Variants in VWA3B observed in about 807,000 individuals in gnomAD.
VWA3B encodes the protein von Willebrand factor A domain containing 3B.
A neutral mutation model predicts 158.3 loss-of-function variants in VWA3B; 138 were observed. That is an observed-to-expected ratio of 0.87 (90% CI 0.76 to 1.00). The LOEUF (loss-of-function observed/expected upper bound fraction) is 1.00. Ranked by LOEUF, VWA3B falls within the 50% of genes least tolerant of loss-of-function variation. VWA3B has a pLI of 0.00. For missense variants in VWA3B, 1,555 were observed against 1,565.1 expected (o/e 0.99, Z 0.11); for synonymous variants, 596 against 587.3 (o/e 1.01, Z -0.21).
intron 7 of VWA3B, 77 bp from the exon 8 acceptor site, chr2:98,162,774 C>A: frequency 6.4e-7 from 1 of 1,563,750 alleles, no homozygotes; most frequent in Middle Eastern, 2.3e-4. Flanking sequence ...GGCTGCAATG[C>A]GTCAGGCCTG....
rs979388633 is a variant in VWA3B, at chr2:98,236,867, A to G, written c.2673+137A>G. On this transcript the variant is annotated intron_variant, in intron 19 of 27. Transcript: ENST00000477737. ...GGGAAAAAGTATTTGTAAAGGCAGT[A>G]AAAGGGAGAGAGAGAGGCTTTTAAG... 2.1e-5 allele frequency: 26 copies of G among 1,262,198 alleles called. 1 individual carries two copies. The Middle Eastern group carries it at 6.0e-4, about 29-fold the overall frequency. The allele number at this position is 1,262,198 out of a possible 1,614,324, so 78.2% of individuals were successfully genotyped here. A position where few individuals can be genotyped will look rare whatever the true frequency, so the allele number is the denominator to read the frequency against.
intron 12 of VWA3B, among the ~76,000 whole-genome samples, chr2:98,208,030 T>A (rs929993809): frequency 6.6e-6 from 1 of 152,142 alleles, no homozygotes; most frequent in African/African-American, 2.4e-5. Flanking sequence ...TTGCTTCATG[T>A]GTTTTGAAGC....
chr2:98,303,615 T>C, intron 25 of VWA3B, 87 bp from the exon 26 acceptor site: 1 of 1,247,404 alleles, frequency 8.0e-7, no homozygotes, highest in Admixed American at 1.9e-5. Context: ...TAGAAGCTAT[T>C]ATAATGGGTT....
intron 7 of VWA3B, among the ~76,000 whole-genome samples, chr2:98,158,291 A>G (rs1337847046): frequency 6.6e-6 from 1 of 152,112 alleles, no homozygotes; most frequent in Non-Finnish European, 1.5e-5. Context: ...GACATTTACC[A>G]TCCAGTTGGC....
intron 7 of VWA3B, among the ~76,000 whole-genome samples, chr2:98,160,311 T>C (rs917249904): frequency 1.1e-4 from 16 of 152,238 alleles, no homozygotes; most frequent in Admixed American, 6.5e-4. Context: ...TCTTTTTCAC[T>C]GTTTTTTTGT....
At chr2:98,310,261 G>T (rs1263365764) in intron 26 of VWA3B, among the ~76,000 whole-genome samples, 3 of 152,150 alleles carry the variant, frequency 2.0e-5, no homozygotes, top group African/African-American at 7.2e-5. Context: ...AATCCAGCAG[G>T]ATTTCTGACA....
intron 22 of VWA3B, among the ~76,000 whole-genome samples, chr2:98,287,401 A>G (rs1689228937): frequency 6.6e-6 from 1 of 152,150 alleles, no homozygotes; most frequent in African/African-American, 2.4e-5. Context: ...CTGCTATGTT[A>G]TTTCATTTTT....
chr2:98,304,199 G>A (rs1344124441), intron 26 of VWA3B, among the ~76,000 whole-genome samples: 1 of 152,216 alleles, frequency 6.6e-6, no homozygotes, highest in Non-Finnish European at 1.5e-5. Flanking sequence ...AGGTCAGGGT[G>A]TTGGAGGGGC....
intron 21 of VWA3B, among the ~76,000 whole-genome samples, chr2:98,258,896 C>G (rs1687316804): frequency 1.3e-5 from 2 of 151,728 alleles, no homozygotes. Context: ...AGGGGACGTT[C>G]TTGTCTTGTT....
chr2:98,264,747 T>A (rs1687693786), intron 21 of VWA3B, among the ~76,000 whole-genome samples: 1 of 152,130 alleles, frequency 6.6e-6, no homozygotes, highest in Non-Finnish European at 1.5e-5. Context: ...GGTGTTCAAG[T>A]CCTTTGTTTC....
At chr2:98,288,567 C>G (rs1270359974) in intron 22 of VWA3B, among the ~76,000 whole-genome samples, 1 of 152,190 alleles carries the variant, frequency 6.6e-6, no homozygotes, top group Non-Finnish European at 1.5e-5. Context: ...TTCTCCCTCT[C>G]TTTCCTCTGT....
chr2:98,139,247 G>A (rs988930992), intron 7 of VWA3B, among the ~76,000 whole-genome samples: 43 of 152,342 alleles, frequency 2.8e-4, no homozygotes, highest in African/African-American at 9.9e-4. Context: ...CCGCGGGGCA[G>A]GCCTCGGGAC....
chr2:98,315,181 G>A (rs887479231), downstream of VWA3B, among the ~76,000 whole-genome samples: 4 of 152,118 alleles, frequency 2.6e-5, no homozygotes, highest in Non-Finnish European at 2.9e-5. Flanking sequence ...ATAAATCCTT[G>A]AACATGCACC....
intron 2 of VWA3B, among the ~76,000 whole-genome samples, chr2:98,109,796 T>TC (rs1430813371): frequency 6.6e-6 from 1 of 151,770 alleles, no homozygotes; most frequent in East Asian, 1.9e-4. Context: ...ATAGTTCTTT[T>TC]TTTTTTTTTT....
At chr2:98,262,403 G>T (rs929483589) in intron 21 of VWA3B, among the ~76,000 whole-genome samples, 1 of 151,748 alleles carries the variant, frequency 6.6e-6, no homozygotes. Flanking sequence ...TCTAGGAGTT[G>T]TATAGGCTTG....
intron 23 of VWA3B, chr2:98,291,347 AG>A (rs754700182): frequency 1.3e-5 from 2 of 152,212 alleles, no homozygotes; most frequent in African/African-American, 2.4e-5. Context: ...CAATTCAGCA[AG>A]GGGTGGAGGT....
At chr2:98,122,597 A>G (rs1000494804) in intron 5 of VWA3B, among the ~76,000 whole-genome samples, 7 of 152,226 alleles carry the variant, frequency 4.6e-5, no homozygotes, top group African/African-American at 1.4e-4. Flanking sequence ...TGGACACCTT[A>G]ATAAGCATTC....
the VWA3B span, among the ~76,000 whole-genome samples, chr2:98,322,501 A>ATTAG: frequency 6.6e-6 from 1 of 152,226 alleles, no homozygotes; most frequent in Admixed American, 6.5e-5. Flanking sequence ...TAGCCCCTAA[A>ATTAG]TTAGGCATGT....
intron 4 of VWA3B, among the ~76,000 whole-genome samples, chr2:98,120,859 G>GA (rs2104965727): frequency 6.6e-6 from 1 of 152,234 alleles, no homozygotes; most frequent in Non-Finnish European, 1.5e-5. Context: ...TCAGGACAAT[G>GA]AAAACAATGT....
Sources: allele counts gnomAD v4.1 joint callset (sites outside exome capture counted in the v4.1 genomes callset), GRCh38; gene constraint gnomAD v4.1.1; transcripts MANE v1.5; gene names NCBI Gene and HGNC (gene_info 2026-07-23, HGNC 2026-07-21).